Variants in PIK3CG observed in about 807,000 individuals in gnomAD.
PIK3CG encodes the protein phosphatidylinositol-4,5-bisphosphate 3-kinase catalytic subunit gamma.
PIK3CG carries 55 observed loss-of-function variants against 102.3 expected under a neutral mutation model. The ratio of observed to expected loss-of-function variants is 0.54; its 90% CI spans 0.43 to 0.67. PIK3CG has a LOEUF of 0.67. Ranked by LOEUF, PIK3CG falls within the 30% of genes least tolerant of loss-of-function variation. The probability of loss-of-function intolerance (pLI) is 0.00; values close to 1 mark genes in which losing one functional copy is unlikely to be tolerated. For synonymous variants in PIK3CG, 552 were observed against 540.0 expected (o/e 1.02, Z -0.31); for missense variants, 1,258 against 1,391.8 (o/e 0.90, Z 1.53).
intron 10 of PIK3CG, among the ~76,000 whole-genome samples, chr7:106,896,761 A>G (rs1463730750): frequency 6.6e-6 from 1 of 152,150 alleles, no homozygotes; most frequent in Non-Finnish European, 1.5e-5. Context: ...AGCCTTCACT[A>G]TGTACCGGCC....
chr7:106,870,011 C>T (rs865956481), intron 2 of PIK3CG, among the ~76,000 whole-genome samples: 2 of 152,304 alleles, frequency 1.3e-5, no homozygotes, highest in East Asian at 1.9e-4. Flanking sequence ...TGCCCAAGGT[C>T]ACATACTTTG....
chr7:106,886,445 C>T (rs1327973800), intron 10 of PIK3CG, among the ~76,000 whole-genome samples, 153 bp downstream of exon 10: 1 of 152,206 alleles, frequency 6.6e-6, no homozygotes, highest in African/African-American at 2.4e-5. Context: ...TCCTCCCTTT[C>T]ACTTCCATTC....
intron 10 of PIK3CG, among the ~76,000 whole-genome samples, chr7:106,896,189 C>G (rs1791403544): frequency 6.6e-6 from 1 of 152,178 alleles, no homozygotes; most frequent in South Asian, 2.1e-4. Context: ...TCCTTGGGTA[C>G]AGCAGGGATA....
rs534528410 is a variant in PIK3CG, at chr7:106,908,657, C to T, written c.*3270C>T. ...TTAACTGTAGTAAATATATCTTTTT[C>T]AGGTGATGAATTATTTTTTTAAAAA... On this transcript the variant is annotated 3_prime_UTR_variant, in exon 11 of 11. Coordinates refer to ENST00000496166, the MANE Select transcript of PIK3CG (RefSeq NM_001282426.2). The surrounding 1 kb of genome is among the most constrained non-coding windows in gnomAD (Gnocchi z 4.1). Among the ~76,000 whole-genome samples, 5 of 152,216 alleles carry T rather than the reference C, an allele frequency of 3.3e-5. No individual in the cohort carries two copies. The highest frequency in any genetic ancestry group is 2.6e-4 in the Admixed American group (4 of 15,290).
rs556686905 is a variant in PIK3CG, at chr7:106,884,655, G to A, written c.2872+389G>A. Among the ~76,000 whole-genome samples, 3 of 152,276 alleles carry A rather than the reference G, an allele frequency of 2.0e-5. No homozygotes were observed. In the South Asian group the frequency reaches 6.2e-4, roughly 32 times the overall value. ...ACCTTTTCCACGGACAGGGGTGGGG[G>A]AGCAAGGATGGTTTCAGGATCATTC... is the stretch of plus-strand genomic sequence containing the variant. On this transcript the variant is annotated intron_variant, in intron 9 of 10. Coordinates refer to ENST00000496166, the MANE Select transcript of PIK3CG (RefSeq NM_001282426.2). The surrounding 1 kb of genome is among the most constrained non-coding windows in gnomAD (Gnocchi z 4.2).
intron 7 of PIK3CG, 176 bp from the exon 8 acceptor site, chr7:106,882,857 T>A (rs1424178366): frequency 1.9e-6 from 1 of 537,864 alleles, no homozygotes; most frequent in Non-Finnish European, 3.2e-6. Flanking sequence ...ATCCTCCTTC[T>A]TTCCTTTCTA....
chr7:106,905,300 T>C lies in PIK3CG; in HGVS notation c.3222T>C (p.Val1074=). Residue 1074 remains valine, a synonymous_variant, in exon 11 of 11, where the codon GTT becomes GTC. Coordinates refer to ENST00000496166, the MANE Select transcript of PIK3CG (RefSeq NM_001282426.2). The surrounding 1 kb of genome is among the most constrained non-coding windows in gnomAD (Gnocchi z 5.6). ...AGTATTTTCTTGATCAGATCGAAGT[T>C]TGCAGAGACAAAGGATGGACTGTGC... ...AKKYFLDQIE[V]CRDKGWTVQF... 1 of 1,614,116 alleles carries C rather than the reference T, an allele frequency of 6.2e-7. No individual in the cohort carries two copies. Among genetic ancestry groups the C allele is most frequent in the South Asian group, 1.1e-5 (1 of 91,080 alleles).
chr7:106,881,196 G>A (rs1016690839), intron 6 of PIK3CG, among the ~76,000 whole-genome samples: 9 of 152,014 alleles, frequency 5.9e-5, no homozygotes, highest in East Asian at 3.9e-4. Flanking sequence ...CCAGTTAATC[G>A]CCAAAATTGC....
In PIK3CG at chr7:106,902,027, C is replaced by G. The variant is rs541196001; in HGVS notation, c.3031-3082C>G. ...TGTCTGTAGATCATGACTTGGCACT[C>G]CTCGGATGCCCACTGCAGCTCTTGT... On this transcript the variant is annotated intron_variant, in intron 10 of 10. Coordinates refer to ENST00000496166, the MANE Select transcript of PIK3CG (RefSeq NM_001282426.2). The surrounding 1 kb of genome is among the most constrained non-coding windows in gnomAD (Gnocchi z 4.3). Among the ~76,000 whole-genome samples the G allele has an allele frequency of 5.9e-5, 9 of 152,298 alleles. No individual in the cohort carries two copies. Among genetic ancestry groups the G allele is most frequent in the African/African-American group, 1.9e-4 (8 of 41,552 alleles).
At chr7:106,882,863 T>G (rs1342431007) in intron 7 of PIK3CG, 170 bp from the exon 8 acceptor site, 1 of 551,976 alleles carries the variant, frequency 1.8e-6, no homozygotes, top group African/African-American at 1.9e-5. Context: ...CTTCTTTCCT[T>G]TCTATTCCTC....
chr7:106,881,410 A>G (rs1234094552), intron 6 of PIK3CG, among the ~76,000 whole-genome samples: 1 of 152,252 alleles, frequency 6.6e-6, no homozygotes, highest in African/African-American at 2.4e-5. Context: ...CGCTATCATT[A>G]TCATCATTGT....
chr7:106,882,671 G>T, intron 7 of PIK3CG: 1 of 191,676 alleles, frequency 5.2e-6, no homozygotes, highest in Non-Finnish European at 1.1e-5. Flanking sequence ...TCTGATCTGA[G>T]AACTCTACAA....
Position 106,908,029 on chromosome 7 carries a change from TACTGGGA to T in PIK3CG, c.*2646_*2652del, listed in dbSNP as rs1791735284. Among the ~76,000 whole-genome samples, 1 of 152,136 alleles carries T rather than the reference TACTGGGA, an allele frequency of 6.6e-6. No homozygotes were observed. The highest frequency in any genetic ancestry group is 2.4e-5 in the African/African-American group (1 of 41,410). On this transcript the variant is annotated 3_prime_UTR_variant, in exon 11 of 11. Coordinates refer to ENST00000496166, the MANE Select transcript of PIK3CG (RefSeq NM_001282426.2). This position sits in a 1 kb window ranked among gnomAD's most constrained non-coding sequence, Gnocchi z 4.1. ...TGTTCTAGAACTAGAATCATCCTGC[TACTGGGA>T]ACTACCCACAGCTCTATCTTCAATG...
chr7:106,876,217 C>T (rs1183731619), intron 5 of PIK3CG, among the ~76,000 whole-genome samples: 3 of 151,856 alleles, frequency 2.0e-5, no homozygotes, highest in African/African-American at 7.3e-5. Flanking sequence ...CCCGGCCTAT[C>T]ATCAGTCTTT....
intron 1 of PIK3CG, among the ~76,000 whole-genome samples, chr7:106,866,964 T>C (rs1304047871): frequency 1.3e-5 from 2 of 152,122 alleles, no homozygotes; most frequent in Non-Finnish European, 2.9e-5. Context: ...TTCCAAGAAG[T>C]GTGAGACTTA....
Position 106,903,671 on chromosome 7 carries a change from A to G in PIK3CG, c.3031-1438A>G, listed in dbSNP as rs1791616065. 6.6e-6 allele frequency among the ~76,000 whole-genome samples: 1 copy of G among 151,846 alleles called. No homozygotes were observed. ...ACCTAGTTTATTAAAAACTACTTAC[A>G]GTAATATTTGATTTTTTAAAGACAA... On this transcript the variant is annotated intron_variant, in intron 10 of 10. Transcript: ENST00000496166. This position sits in a 1 kb window ranked among gnomAD's most constrained non-coding sequence, Gnocchi z 4.3.
chr7:106,870,903 T>A (rs718207), intron 2 of PIK3CG, among the ~76,000 whole-genome samples: 21,553 of 152,180 alleles, frequency 0.14, 1,975 homozygotes, highest in African/African-American at 0.26. Context: ...AATTTTAGAA[T>A]AATTAAAGAA....
In PIK3CG at chr7:106,868,737, A is replaced by G; in HGVS notation, c.1176A>G (p.Gln392=). Residue 392 remains glutamine (Q), a synonymous_variant, in exon 2 of 11, where the codon CAA becomes CAG. Transcript: ENST00000496166. This position sits in a 1 kb window ranked among gnomAD's most constrained non-coding sequence, Gnocchi z 6.2. ...FVEANIQHGQ[Q]VLCQRRTSPK... The stretch of plus-strand genomic sequence containing the variant: ...AGGCAAACATCCAGCATGGGCAACA[A>G]GTCCTTTGCCAAAGGAGAACCAGCC... 1.9e-6 allele frequency: 3 copies of G among 1,614,224 alleles called. No individual in the cohort carries two copies. In the South Asian group the frequency reaches 3.3e-5, roughly 18 times the overall value.
intron 5 of PIK3CG, among the ~76,000 whole-genome samples, chr7:106,875,948 C>T (rs1271388719): frequency 7.8e-6 from 1 of 128,436 alleles, no homozygotes; most frequent in African/African-American, 3.0e-5. Context: ...CGCTCTGTTG[C>T]CCAGGCCGGA....
Sources: allele counts gnomAD v4.1 joint callset (sites outside exome capture counted in the v4.1 genomes callset), GRCh38; gene constraint gnomAD v4.1.1; non-coding constraint Gnocchi (gnomAD v3.1); transcripts MANE v1.5; gene names NCBI Gene and HGNC (gene_info 2026-07-23, HGNC 2026-07-21).